The following LAD1 variants were observed in gnomAD, a reference collection of about 807,000 sequenced individuals.
LAD1 encodes the protein ladinin 1, also known as ladinin-1.
LAD1 carries 53 observed loss-of-function variants against 54.2 expected under a neutral mutation model. The observed-to-expected ratio is 0.98, with a 90% CI of 0.78 to 1.23. The LOEUF (loss-of-function observed/expected upper bound fraction) is 1.23, where lower values mean the gene tolerates loss of function less well. LAD1 is among the 50% of genes most tolerant of loss of function. The pLI is 0.00. For missense variants in LAD1, 637 were observed against 653.3 expected (o/e 0.98, Z 0.27); for synonymous variants, 231 against 257.7 (o/e 0.90, Z 0.99).
intron 5 of LAD1, 83 bp from the exon 6 acceptor site, chr1:201,383,472 C>G (rs558307210): frequency 8.0e-7 from 1 of 1,242,656 alleles, no homozygotes; most frequent in East Asian, 2.3e-5. Context: ...AGGAGCAGCC[C>G]CATCACACGT....
chr1:201,393,989 T>C (rs1662242374), intron 1 of LAD1, among the ~76,000 whole-genome samples: 1 of 151,492 alleles, frequency 6.6e-6, no homozygotes, highest in South Asian at 2.1e-4. Context: ...GGTGGGAGGA[T>C]TACTTGAGCC....
chr1:201,385,788 C>A lies in LAD1; in HGVS notation c.1044G>T (p.Lys348Asn). ...PVTLQVKIPSKEEEADMSSPT... is the reference protein window; with the variant it reads ...PVTLQVKIPSNEEEADMSSPT... ...GTGAGGACATATCTGCCTCTTCCTC[C>A]TTGCTGGGGATTTTCACCTGGATGG... Residue 348 changes from lysine (K) to asparagine (N), a missense_variant, in exon 4 of 10, where the codon AAG becomes AAT. Lys to Asn is a moderately conservative substitution (Grantham distance 94). Coordinates refer to ENST00000391967, the MANE Select transcript of LAD1 (RefSeq NM_005558.4). 6.2e-7 allele frequency: 1 copy of A among 1,614,006 alleles called. No individual in the cohort carries two copies. Among genetic ancestry groups the A allele is most frequent in the Non-Finnish European group, 8.5e-7 (1 of 1,179,848 alleles).
rs1661974512 is a variant in LAD1 at position 201,382,180 on chromosome 1, C to CAATGTAGTGT, written c.1548+71_1548+72insACACTACATT. The CAATGTAGTGT allele has an allele frequency of 2.3e-6, 3 of 1,284,532 alleles. No individual in the cohort carries two copies. In the South Asian group the frequency reaches 3.6e-5, roughly 15 times the overall value. 79.6% of individuals were successfully genotyped at this position (1,284,532 alleles called of 1,614,324 possible). A position where few individuals can be genotyped will look rare whatever the true frequency, so the allele number is the denominator to read the frequency against. On this transcript the variant is annotated intron_variant, in intron 9 of 9. Transcript: ENST00000391967. ...TTGCAGGCCAATTAGTGTGTGCACA[C>CAATGTAGTGT]GGGGACGATGGGGTCTCCCACAGTA...
intron 7 of LAD1, 153 bp downstream of exon 7, chr1:201,382,921 G>A: frequency 9.3e-7 from 1 of 1,077,290 alleles, no homozygotes; most frequent in South Asian, 1.5e-5. Flanking sequence ...AAGGAGATGG[G>A]CTCAGGAACG....
chr1:201,394,395 G>A (rs1224539567), intron 1 of LAD1, among the ~76,000 whole-genome samples: 1 of 152,174 alleles, frequency 6.6e-6, no homozygotes, highest in African/African-American at 2.4e-5. Context: ...TCTGCCAGCA[G>A]GGCAGCTCTT....
At chr1:201,383,562 C>T (rs142614377) in intron 5 of LAD1, 173 bp from the exon 6 acceptor site, 106 of 663,134 alleles carry the variant, frequency 1.6e-4, no homozygotes, top group East Asian at 7.3e-4. Flanking sequence ...AACTTACAGA[C>T]GCCAGGGATT....
At chr1:201,383,662 A>C (rs1662016582) in intron 5 of LAD1, 2 of 482,296 alleles carry the variant, frequency 4.1e-6, no homozygotes, top group Non-Finnish European at 7.6e-6. Context: ...CTCCCAAAGC[A>C]GGTCCTTCCT....
chr1:201,388,535 T>C (rs1662138269), intron 2 of LAD1, among the ~76,000 whole-genome samples: 1 of 151,250 alleles, frequency 6.6e-6, no homozygotes, highest in Non-Finnish European at 1.5e-5. Context: ...ATACAAAAAT[T>C]AGCTGGCTGT....
intron 2 of LAD1, among the ~76,000 whole-genome samples, chr1:201,388,032 G>A (rs1252988683): frequency 6.6e-6 from 1 of 152,094 alleles, no homozygotes; most frequent in Non-Finnish European, 1.5e-5. Context: ...GTAAACCCCA[G>A]GCTCTTCCCC....
chr1:201,388,908 T>A (rs554990512), intron 2 of LAD1, among the ~76,000 whole-genome samples: 69 of 152,258 alleles, frequency 4.5e-4, no homozygotes, highest in African/African-American at 1.6e-3. Context: ...GTGGATTACG[T>A]GAGCTATGGC....
At chr1:201,393,332 G>C (rs976365122) in intron 1 of LAD1, among the ~76,000 whole-genome samples, 1 of 152,214 alleles carries the variant, frequency 6.6e-6, no homozygotes, top group Non-Finnish European at 1.5e-5. Context: ...AGAGGCACCA[G>C]ATACCACAGG....
chr1:201,397,653 T>C (rs1327834615), intron 1 of LAD1, among the ~76,000 whole-genome samples: 1 of 152,052 alleles, frequency 6.6e-6, no homozygotes. Flanking sequence ...GTCTGGTTTG[T>C]ATTTTTAACC....
rs777685968 is a variant in LAD1 at position 201,386,671 on chromosome 1, C to T, written c.690G>A (p.Lys230=). 3.1e-6 allele frequency: 5 copies of T among 1,614,138 alleles called. No homozygotes were observed. The highest frequency in any genetic ancestry group is 4.2e-6 in the Non-Finnish European group (5 of 1,180,002). ...AGACACTGGTTTTTTCTAGAACAGACTTCTTCTCTGAGCTGTTTCTTTTCT... is the reference window on the plus strand; with the variant it reads ...AGACACTGGTTTTTTCTAGAACAGATTTCTTCTCTGAGCTGTTTCTTTTCT... ...VSEKRNSSEK[K]SVLEKTSVSE... is the part of the protein sequence containing the mutation. Residue 230 remains lysine (K), a synonymous_variant, in exon 3 of 10, where the codon AAG becomes AAA. Transcript: ENST00000391967.
intron 1 of LAD1, among the ~76,000 whole-genome samples, chr1:201,392,975 G>A (rs966620921): frequency 2.0e-5 from 3 of 152,112 alleles, no homozygotes; most frequent in Non-Finnish European, 4.4e-5. Flanking sequence ...GTTGACTGTT[G>A]GATTGGATGT....
At position 201,387,096 on chromosome 1, in the gene LAD1, G is replaced by A. The variant is rs773391681; in HGVS notation, c.265C>T (p.Leu89Phe). ...KDEDEDIQSI[L>F]RTRQERRQRR... ...TGCCTCCGCTCCTGCCGTGTTCTGA[G>A]GATGCTCTGGATGTCCTCGTCCTCA... Residue 89 changes from leucine to phenylalanine, a missense_variant, in exon 3 of 10, where the codon CTC (leucine) becomes TTC (phenylalanine). Physicochemically the swap from Leu to Phe is conservative, Grantham distance 22 (BLOSUM62 0). Transcript: ENST00000391967. 4 of 1,601,104 alleles carry A rather than the reference G, an allele frequency of 2.5e-6. No individual in the cohort carries two copies. The highest frequency in any genetic ancestry group is 4.5e-5 in the East Asian group (2 of 44,786).
At chr1:201,394,928 C>G (rs927046454) in intron 1 of LAD1, among the ~76,000 whole-genome samples, 10 of 152,208 alleles carry the variant, frequency 6.6e-5, no homozygotes, top group African/African-American at 1.9e-4. Context: ...ACCCTCAGCC[C>G]TTGGGGAAGT....
chr1:201,382,604 C>T, intron 8 of LAD1, 49 bp downstream of exon 8: 1 of 1,451,886 alleles, frequency 6.9e-7, no homozygotes, highest in Non-Finnish European at 9.5e-7. Flanking sequence ...CCCCAGTCAT[C>T]CCACCACAAA....
At chr1:201,391,590 T>C (rs1443575684) in intron 1 of LAD1, among the ~76,000 whole-genome samples, 3 of 152,186 alleles carry the variant, frequency 2.0e-5, no homozygotes, top group Admixed American at 6.5e-5. Flanking sequence ...AAAAGAGAAG[T>C]GTGTCCACCA....
In LAD1 at chr1:201,386,531, GC is replaced by G; in HGVS notation, c.829del (p.Ala277LeufsTer67). The G allele has an allele frequency of 1.2e-6, 2 of 1,607,734 alleles. No homozygotes were observed. The highest frequency in any genetic ancestry group is 1.7e-6 in the Non-Finnish European group (2 of 1,177,384). ...LASEKSPTAD[A>X]KPAPKRATAS... is the part of the protein sequence containing the mutation. ...TGTGGCCCTCTTTGGGGCCGGCTTA[GC>G]ATCTGCAGTTGGGCTCTTCTCTGAG... On this transcript the variant is annotated frameshift_variant, in exon 3 of 10. Coordinates refer to ENST00000391967, the MANE Select transcript of LAD1 (RefSeq NM_005558.4). LOFTEE classifies it high-confidence loss of function.
Sources: gnomAD v4.1 joint callset for allele counts (sites outside exome capture counted in the v4.1 genomes callset) on GRCh38, gnomAD v4.1.1 for gene constraint, MANE v1.5 for transcripts, NCBI Gene and HGNC (gene_info 2026-07-23, HGNC 2026-07-21) for gene names.